Variants in XPO5 observed in about 807,000 individuals in gnomAD.
XPO5 encodes the protein exportin 5.
In XPO5, 46 loss-of-function variants were observed where a neutral mutation model predicts 160.6. The observed-to-expected ratio is 0.29, with a 90% CI of 0.23 to 0.37. XPO5 has a LOEUF of 0.37. Among genes scored for constraint, XPO5 ranks in the 10% least tolerant of loss-of-function variants. The pLI, the probability that XPO5 is intolerant of heterozygous loss-of-function variation, is 1.00. For synonymous variants in XPO5, 537 were observed against 519.3 expected (o/e 1.03, Z -0.46); for missense variants, 1,090 against 1,463.9 (o/e 0.74, Z 4.17).
At chr6:43,559,158 G>A (rs1762270556) in intron 11 of XPO5, 1 of 152,404 alleles carries the variant, frequency 6.6e-6, no homozygotes, top group African/African-American at 2.4e-5. Context: ...TTAGCCAAGT[G>A]TGGTGGTGGG....
chr6:43,525,047 G>A (rs897931701), intron 29 of XPO5, 60 bp downstream of exon 29: 36 of 1,580,064 alleles, frequency 2.3e-5, no homozygotes, highest in African/African-American at 5.4e-5. Context: ...GAATGATTTA[G>A]TCAGTCTGCA....
Position 43,530,828 on chromosome 6 carries a change from T to C in XPO5, c.2541-4A>G. ...TGCCTTCCCTAGGATATGAAAACTG[T>C]AAAGGGGAAAAAAAGAGCATTGAAA... On this transcript the variant is annotated splice_region_variant and splice_polypyrimidine_tract_variant and intron_variant, in intron 22 of 31. Transcript: ENST00000265351. The C allele has an allele frequency of 6.2e-7, 1 of 1,605,876 alleles. No individual in the cohort carries two copies. Among genetic ancestry groups the C allele is most frequent in the Non-Finnish European group, 8.5e-7 (1 of 1,176,900 alleles).
At position 43,527,529 on chromosome 6, in the gene XPO5, A is replaced by C. The variant is rs1793676391; in HGVS notation, c.2920+105T>G. 2.5e-6 allele frequency: 3 copies of C among 1,183,916 alleles called. No individual in the cohort carries two copies. The Admixed American group carries it at 6.0e-5, about 23-fold the overall frequency. The allele number at this position is 1,183,916 out of a possible 1,614,324, so 73.3% of individuals were successfully genotyped here. On this transcript the variant is annotated intron_variant, in intron 26 of 31. Coordinates refer to ENST00000265351, the MANE Select transcript of XPO5 (RefSeq NM_020750.3). Reference sequence around the variant, plus strand: ...CCTCGCAATCCACCATGCCCGCCGCAAACATGAATCCTTTGCATTAGTCAG... The same window carrying C: ...CCTCGCAATCCACCATGCCCGCCGCCAACATGAATCCTTTGCATTAGTCAG...
intron 20 of XPO5, among the ~76,000 whole-genome samples, chr6:43,534,998 A>AAACAACAACAACAAC: frequency 6.6e-6 from 1 of 151,482 alleles, no homozygotes. Context: ...CCATCTCAAA[A>AAACAACAACAACAAC]AAACCCCCCA....
intron 20 of XPO5, among the ~76,000 whole-genome samples, 198 bp from the exon 21 acceptor site, chr6:43,534,205 A>G (rs1457438269): frequency 6.6e-6 from 1 of 152,192 alleles, no homozygotes; most frequent in Non-Finnish European, 1.5e-5. Context: ...TTATCTTAGT[A>G]TACAATACCT....
intron 20 of XPO5, chr6:43,539,593 ACCCCGG>A: frequency 7.2e-7 from 1 of 1,381,888 alleles, no homozygotes; most frequent in Non-Finnish European, 1.0e-6. Flanking sequence ...CACGGCTGCG[ACCCCGG>A]CCCCGGATGC....
At chr6:43,575,658 G>A (rs989438796) in intron 1 of XPO5, 102 bp downstream of exon 1, 5 of 1,073,740 alleles carry the variant, frequency 4.7e-6, no homozygotes, top group Non-Finnish European at 5.5e-6. Flanking sequence ...GAGGTCCAGG[G>A]GCCGCGTGGG....
At chr6:43,560,414 C>T in intron 10 of XPO5, 111 bp from the exon 11 acceptor site, 2 of 1,328,902 alleles carry the variant, frequency 1.5e-6, no homozygotes, top group Non-Finnish European at 9.9e-7. Context: ...CTGTACAATA[C>T]TTTGAAGCTG....
At chr6:43,528,235 G>T in intron 24 of XPO5, 30 bp from the exon 25 acceptor site, 1 of 1,569,374 alleles carries the variant, frequency 6.4e-7, no homozygotes, top group South Asian at 1.2e-5. Context: ...ATAAATGCTA[G>T]AATTGGGGAA....
At position 43,522,830 on chromosome 6, in the gene XPO5, C is replaced by G. The variant is rs1043571321; in HGVS notation, c.*1038G>C. 1 of 317,902 alleles carries G rather than the reference C, an allele frequency of 3.1e-6. No individual in the cohort carries two copies. Among genetic ancestry groups the G allele is most frequent in the Non-Finnish European group, 7.2e-6 (1 of 137,986 alleles). 19.7% of individuals were successfully genotyped at this position (317,902 alleles called of 1,614,324 possible). A position where few individuals can be genotyped will look rare whatever the true frequency, so the allele number is the denominator to read the frequency against. ...CAGTAATAACCTCAGGGCCAGGTCCCGTATCCATGTCCTCTCTTTACAGGG... is the reference window on the plus strand; with the variant it reads ...CAGTAATAACCTCAGGGCCAGGTCCGGTATCCATGTCCTCTCTTTACAGGG... On this transcript the variant is annotated 3_prime_UTR_variant, in exon 32 of 32. Coordinates refer to ENST00000265351, the MANE Select transcript of XPO5 (RefSeq NM_020750.3).
chr6:43,537,231 C>T (rs978057100), intron 20 of XPO5, among the ~76,000 whole-genome samples: 1 of 152,024 alleles, frequency 6.6e-6, no homozygotes, highest in Non-Finnish European at 1.5e-5. Flanking sequence ...CCTGGCCTCC[C>T]AAAGTGCTGA....
intron 14 of XPO5, 144 bp from the exon 15 acceptor site, chr6:43,551,597 T>C: frequency 1.0e-6 from 1 of 991,222 alleles, no homozygotes; most frequent in East Asian, 2.5e-5. Flanking sequence ...CAATCATCAC[T>C]CACTGTAACC....
intron 20 of XPO5, among the ~76,000 whole-genome samples, chr6:43,534,960 A>G (rs1226543730): frequency 6.6e-6 from 1 of 151,562 alleles, no homozygotes; most frequent in Non-Finnish European, 1.5e-5. Flanking sequence ...ATACCACTGC[A>G]CTCCAGCCTG....
intron 14 of XPO5, among the ~76,000 whole-genome samples, chr6:43,551,763 T>A (rs1795240353): frequency 6.6e-6 from 1 of 152,186 alleles, no homozygotes; most frequent in African/African-American, 2.4e-5. Context: ...ACTCCTGGTT[T>A]CAAGTGATCC....
chr6:43,557,197 CG>C (rs1762138805), intron 12 of XPO5, among the ~76,000 whole-genome samples: 1 of 147,450 alleles, frequency 6.8e-6, no homozygotes, highest in Non-Finnish European at 1.5e-5. Context: ...GAAGCCGAGG[CG>C]GGTGGATCAC....
chr6:43,566,635 C>G (rs1762710800), intron 7 of XPO5: 2 of 426,234 alleles, frequency 4.7e-6, no homozygotes, highest in African/African-American at 4.1e-5. Context: ...ATGGCAAAAC[C>G]TCATCTCTAC....
rs972601479 is a variant in XPO5 at position 43,527,556 on chromosome 6, C to A, written c.2920+78G>T. The stretch of plus-strand genomic sequence containing the variant: ...ACATGAATCCTTTGCATTAGTCAGG[C>A]CTTCATGGAGTTGGCTGAGCGACCA... On this transcript the variant is annotated intron_variant, in intron 26 of 31. Transcript: ENST00000265351. The A allele has an allele frequency of 9.1e-6, 13 of 1,421,678 alleles. 1 individual carries two copies. The South Asian group carries it at 1.1e-4, about 12-fold the overall frequency. The allele number at this position is 1,421,678 out of a possible 1,614,324, so 88.1% of individuals were successfully genotyped here.
chr6:43,572,435 C>G, intron 3 of XPO5, 71 bp downstream of exon 3: 1 of 1,457,672 alleles, frequency 6.9e-7, no homozygotes, highest in Non-Finnish European at 9.6e-7. Flanking sequence ...TTTACACAAA[C>G]TCCCTATTGA....
Position 43,560,229 on chromosome 6 carries a change from T to C in XPO5, c.1170A>G (p.Leu390=), listed in dbSNP as rs1276397720. 4.3e-6 allele frequency: 7 copies of C among 1,612,432 alleles called. No individual in the cohort carries two copies. Among genetic ancestry groups the C allele is most frequent in the East Asian group, 4.5e-5 (2 of 44,878 alleles). The change falls in exon 11 of 32, where the codon CTA becomes CTG. Residue 390 remains leucine (L), a synonymous_variant. Transcript: ENST00000265351. ...GAAGATATTTTGGTATTATTGCTAATAGCAAAGGATCACGGGACAGGATTT... is the reference window on the plus strand; with the variant it reads ...GAAGATATTTTGGTATTATTGCTAACAGCAAAGGATCACGGGACAGGATTT... ...RHEILSRDPL[L]LAIIPKYLRA...
Sources: allele counts gnomAD v4.1 joint callset (sites outside exome capture counted in the v4.1 genomes callset), GRCh38; gene constraint gnomAD v4.1.1; transcripts MANE v1.5; gene names NCBI Gene and HGNC (gene_info 2026-07-23, HGNC 2026-07-21).